The following TTC28 variants were observed in gnomAD, a reference collection of about 807,000 sequenced individuals.
The protein encoded by TTC28 is tetratricopeptide repeat protein 28.
A neutral mutation model predicts 198.0 loss-of-function variants in TTC28; 61 were observed. That is an observed-to-expected ratio of 0.31 (90% CI 0.25 to 0.38). The LOEUF (loss-of-function observed/expected upper bound fraction) is 0.38, where lower values mean the gene tolerates loss of function less well. Ranked by LOEUF, TTC28 falls within the 10% of genes least tolerant of loss-of-function variation. The pLI, the probability that TTC28 is intolerant of heterozygous loss-of-function variation, is 1.00. For missense variants in TTC28, 2,678 were observed against 3,164.0 expected, an observed-to-expected ratio of 0.85 and a Z score of 3.69; for synonymous variants, 1,171 against 1,297.8, an observed-to-expected ratio of 0.90 and a Z score of 2.10.
At chr22:28,584,392 T>G (rs2050279372) in intron 2 of TTC28, among the ~76,000 whole-genome samples, 1 of 152,180 alleles carries the variant, frequency 6.6e-6, no homozygotes, top group Non-Finnish European at 1.5e-5. Context: ...CATCACCACC[T>G]TTACTTCCTT....
intron 2 of TTC28, among the ~76,000 whole-genome samples, chr22:28,608,594 T>C (rs1017417607): frequency 2.0e-5 from 3 of 152,138 alleles, no homozygotes; most frequent in Non-Finnish European, 4.4e-5. Flanking sequence ...AATCTAAAAA[T>C]GTGCAGTACT....
At chr22:28,316,810 A>G (rs1030446995) in intron 2 of TTC28, among the ~76,000 whole-genome samples, 5 of 152,212 alleles carry the variant, frequency 3.3e-5, no homozygotes, top group Non-Finnish European at 7.3e-5. Flanking sequence ...TCTGTTATCC[A>G]GGCTGGAACG....
At chr22:28,108,537 A>G (rs1172869792) in intron 6 of TTC28, 134 bp from the exon 7 acceptor site, 3 of 779,426 alleles carry the variant, frequency 3.8e-6, no homozygotes, top group Non-Finnish European at 5.4e-6. Flanking sequence ...AACAGAAGGT[A>G]GAATTAAATA....
Position 28,535,326 on chromosome 22 carries a change from C to A in TTC28, c.381+94226G>T, listed in dbSNP as rs571670991. 3.9e-5 allele frequency among the ~76,000 whole-genome samples: 6 copies of A among 152,272 alleles called. No homozygotes were observed. In the East Asian group the frequency reaches 9.6e-4, roughly 24 times the overall value. On this transcript the variant is annotated intron_variant, in intron 2 of 22. Coordinates refer to ENST00000397906, the MANE Select transcript of TTC28 (RefSeq NM_001145418.2). ...AAGATATTGAACATTGACAACACCA[C>A]AGAGGCCTACTTTGTGCTCCTGTCC...
At chr22:28,186,736 G>T (rs1181728494) in intron 5 of TTC28, among the ~76,000 whole-genome samples, 1 of 152,140 alleles carries the variant, frequency 6.6e-6, no homozygotes, top group Non-Finnish European at 1.5e-5. Flanking sequence ...GATTAGGAAT[G>T]GTTTACTTTG....
At chr22:28,420,415 T>C (rs2047231454) in intron 2 of TTC28, among the ~76,000 whole-genome samples, 1 of 152,100 alleles carries the variant, frequency 6.6e-6, no homozygotes, top group Non-Finnish European at 1.5e-5. Context: ...TAGTAGTTTC[T>C]CTTCTCTGTG....
In TTC28 at chr22:28,108,092, G is replaced by A. The variant is rs913015885; in HGVS notation, c.1753C>T (p.Arg585Trp). The A allele has an allele frequency of 2.2e-5, 34 of 1,551,496 alleles. No homozygotes were observed. Among genetic ancestry groups the A allele is most frequent in the Admixed American group, 1.4e-4 (7 of 50,990 alleles). The change falls in exon 7 of 23, where the codon CGG becomes TGG. Residue 585 changes from arginine (R) to tryptophan (W), a missense_variant. Arg to Trp is a moderately radical substitution (Grantham distance 101). Around this residue, in one of 8 missense-constraint regions of TTC28, gnomAD observed 775 missense variants for 845.9 expected, o/e 0.92. Coordinates refer to ENST00000397906, the MANE Select transcript of TTC28 (RefSeq NM_001145418.2). Reference sequence around the variant, plus strand: ...TCGCTCTGGATGTCTCGTAGCTCCCGGGCGATGTTCAAGTGGTTCTGATAG... The same window carrying A: ...TCGCTCTGGATGTCTCGTAGCTCCCAGGCGATGTTCAAGTGGTTCTGATAG... ...QHYQNHLNIARELRDIQSEAR... is the reference protein window; with the variant it reads ...QHYQNHLNIAWELRDIQSEAR...
intron 2 of TTC28, among the ~76,000 whole-genome samples, chr22:28,489,342 T>G (rs189632330): frequency 6.6e-6 from 1 of 151,652 alleles, no homozygotes; most frequent in African/African-American, 2.4e-5. Flanking sequence ...CCTCCATAAG[T>G]CAGAATTCAA....
chr22:28,266,782 T>C (rs1931710074), intron 5 of TTC28, among the ~76,000 whole-genome samples: 1 of 152,204 alleles, frequency 6.6e-6, no homozygotes, highest in African/African-American at 2.4e-5. Context: ...GGCTTTATGC[T>C]ACCCATATTT....
intron 1 of TTC28, among the ~76,000 whole-genome samples, chr22:28,661,526 C>T (rs549759105): frequency 1.3e-5 from 2 of 152,164 alleles, no homozygotes; most frequent in East Asian, 3.9e-4. Flanking sequence ...TTCAAGGGGT[C>T]TTCCTGCCTC....
intron 2 of TTC28, among the ~76,000 whole-genome samples, chr22:28,338,930 T>C (rs1295817333): frequency 6.6e-6 from 1 of 152,192 alleles, no homozygotes; most frequent in Non-Finnish European, 1.5e-5. Context: ...GCTGTGTTCC[T>C]TTGGAGGAGG....
chr22:27,987,561 G>C (rs2092054), intron 21 of TTC28, among the ~76,000 whole-genome samples: 70,001 of 152,068 alleles, frequency 0.46, 16,763 homozygotes, highest in East Asian at 0.62. Context: ...GCGAACCCCT[G>C]TGTCTACAAA....
chr22:28,675,669 G>A (rs1399430774), intron 1 of TTC28, among the ~76,000 whole-genome samples: 4 of 150,916 alleles, frequency 2.7e-5, no homozygotes, highest in Admixed American at 1.3e-4. Flanking sequence ...GCCCAGGGAG[G>A]TCCAGGCTGC....
At chr22:28,185,519 TAGTA>T (rs948604768) in intron 5 of TTC28, among the ~76,000 whole-genome samples, 2 of 152,164 alleles carry the variant, frequency 1.3e-5, no homozygotes, top group Non-Finnish European at 2.9e-5. Context: ...AAGGATCTAA[TAGTA>T]AGTATGACTA....
chr22:28,058,509 A>G (rs901416397), intron 12 of TTC28, among the ~76,000 whole-genome samples: 14 of 152,200 alleles, frequency 9.2e-5, no homozygotes, highest in South Asian at 6.2e-4. Flanking sequence ...TGGTCATGCT[A>G]TATTTGATTT....
At chr22:28,386,691 C>T (rs1043224269) in intron 2 of TTC28, among the ~76,000 whole-genome samples, 2 of 152,102 alleles carry the variant, frequency 1.3e-5, no homozygotes, top group Non-Finnish European at 2.9e-5. Context: ...GGGAGAGAAG[C>T]CACTAAATAT....
At chr22:28,321,780 TG>T (rs1306153037) in intron 2 of TTC28, among the ~76,000 whole-genome samples, 1 of 152,180 alleles carries the variant, frequency 6.6e-6, no homozygotes, top group Non-Finnish European at 1.5e-5. Context: ...AGGAATGATA[TG>T]ACAATACTGG....
chr22:28,351,974 A>G (rs1225864448), intron 2 of TTC28, among the ~76,000 whole-genome samples: 1 of 152,154 alleles, frequency 6.6e-6, no homozygotes, highest in African/African-American at 2.4e-5. Flanking sequence ...TCATGATACA[A>G]TTTTGAATAC....
intron 1 of TTC28, among the ~76,000 whole-genome samples, chr22:28,630,127 G>T (rs1246129227): frequency 6.6e-6 from 1 of 152,030 alleles, no homozygotes; most frequent in Non-Finnish European, 1.5e-5. Flanking sequence ...TGTGATCTCT[G>T]CATGCACAAG....
Sources: allele counts gnomAD v4.1 joint callset (sites outside exome capture counted in the v4.1 genomes callset), GRCh38; gene constraint gnomAD v4.1.1; regional missense constraint gnomAD v4.1.1; transcripts MANE v1.5; gene names NCBI Gene and HGNC (gene_info 2026-07-23, HGNC 2026-07-21).